Variants in ARHGAP32 observed in about 807,000 individuals in gnomAD.
ARHGAP32 encodes the protein rho GTPase-activating protein 32.
Under a neutral mutation model 186.5 loss-of-function variants are expected in ARHGAP32, and 51 were observed. That is an observed-to-expected ratio of 0.27 (90% confidence interval 0.22 to 0.35). ARHGAP32 has a LOEUF of 0.35. ARHGAP32 is among the 10% of genes least tolerant of loss of function. The probability of loss-of-function intolerance (pLI) is 1.00; values close to 1 mark genes in which losing one functional copy is unlikely to be tolerated. For synonymous variants in ARHGAP32, 950 were observed against 964.3 expected, an observed-to-expected ratio of 0.99 and a Z score of 0.27; for missense variants, 2,186 against 2,623.5, an observed-to-expected ratio of 0.83 and a Z score of 3.64.
chr11:129,153,052 A>T (rs990342744), intron 2 of ARHGAP32, among the ~76,000 whole-genome samples: 1 of 152,172 alleles, frequency 6.6e-6, no homozygotes, highest in African/African-American at 2.4e-5. Flanking sequence ...CAGAAAACAA[A>T]ATTAATATAC....
intron 2 of ARHGAP32, among the ~76,000 whole-genome samples, chr11:129,150,976 T>C (rs1214152533): frequency 6.6e-6 from 1 of 151,568 alleles, no homozygotes; most frequent in Admixed American, 6.6e-5. Flanking sequence ...TTTGCTGTCT[T>C]CAAGAGACTC....
At chr11:129,092,161 T>A (rs1941595031) in intron 6 of ARHGAP32, among the ~76,000 whole-genome samples, 2 of 151,962 alleles carry the variant, frequency 1.3e-5, no homozygotes, top group Non-Finnish European at 2.9e-5. Context: ...AAGTAACAAT[T>A]ATACGTTATA....
chr11:128,971,514 A>T (rs1325750708), intron 22 of ARHGAP32: 2 of 202,388 alleles, frequency 9.9e-6, no homozygotes, highest in African/African-American at 4.6e-5. Context: ...AGTCTAGCTC[A>T]GTCTCAACAC....
chr11:129,029,319 T>A (rs1003596713), intron 11 of ARHGAP32, among the ~76,000 whole-genome samples: 2 of 152,180 alleles, frequency 1.3e-5, no homozygotes, highest in African/African-American at 4.8e-5. Context: ...TGGGCAGAAT[T>A]CTGGGTTTTG....
intron 1 of ARHGAP32, among the ~76,000 whole-genome samples, chr11:129,240,980 G>A (rs1161490629): frequency 6.6e-6 from 1 of 152,200 alleles, no homozygotes; most frequent in African/African-American, 2.4e-5. Flanking sequence ...TAAGAATATG[G>A]ACTTAGGAAT....
chr11:129,124,711 G>T, intron 3 of ARHGAP32, 92 bp downstream of exon 3: 1 of 980,526 alleles, frequency 1.0e-6, no homozygotes. Flanking sequence ...GCATATTTTT[G>T]TAAAAAGTCT....
intron 1 of ARHGAP32, among the ~76,000 whole-genome samples, chr11:129,165,825 G>A (rs1194243155): frequency 6.6e-6 from 1 of 151,798 alleles, no homozygotes; most frequent in Non-Finnish European, 1.5e-5. Flanking sequence ...AGGTCTCAGG[G>A]CAACCAACTA....
At chr11:129,031,144 G>C (rs969372710) in intron 11 of ARHGAP32, among the ~76,000 whole-genome samples, 5 of 152,208 alleles carry the variant, frequency 3.3e-5, no homozygotes, top group Admixed American at 2.0e-4. Flanking sequence ...TAACACAACT[G>C]TGATATCTTG....
In ARHGAP32 at chr11:129,077,851, G is replaced by A. The variant is rs370781368; in HGVS notation, c.532-10983C>T. Among the ~76,000 whole-genome samples, 47 of 152,172 alleles carry A rather than the reference G, an allele frequency of 3.1e-4. 1 individual carries two copies. Among genetic ancestry groups the A allele is most frequent in the Middle Eastern group, 3.4e-3 (1 of 294 alleles). ...AGCTGATGCTCTTCAAAGCGCCACC[G>A]CCTGGCTGGAAGCAAACCAACTCAC... On this transcript the variant is annotated intron_variant, in intron 6 of 22. Transcript: ENST00000682385.
intron 2 of ARHGAP32, among the ~76,000 whole-genome samples, chr11:129,138,296 T>TA (rs9331713): frequency 0.067 from 3,480 of 51,622 alleles, 124 homozygotes; most frequent in Admixed American, 0.19. Flanking sequence ...CCCTTACTGG[T>TA]AAAAAAAAAA....
Position 129,035,556 on chromosome 11 carries a change from T to C in ARHGAP32, c.1045+5372A>G, listed in dbSNP as rs149205873. Among the ~76,000 whole-genome samples, 143 of 152,292 alleles carry C rather than the reference T, an allele frequency of 9.4e-4. 1 individual carries two copies. Among genetic ancestry groups the C allele is most frequent in the African/African-American group, 3.3e-3 (138 of 41,568 alleles). On this transcript the variant is annotated intron_variant, in intron 11 of 22. Coordinates refer to ENST00000682385, the MANE Select transcript of ARHGAP32 (RefSeq NM_001378024.1). The stretch of plus-strand genomic sequence containing the variant: ...CATCCTTTTCAAAATGTATTAAGAA[T>C]GTACATTTTGGCTGGGTACAGTGGC...
intron 1 of ARHGAP32, among the ~76,000 whole-genome samples, chr11:129,260,529 G>GA (rs1272270020): frequency 2.0e-5 from 3 of 151,876 alleles, no homozygotes; most frequent in African/African-American, 7.3e-5. Flanking sequence ...TTTTCAAATA[G>GA]AAAAAAGTCT....
chr11:129,152,534 A>G (rs1435749629), intron 2 of ARHGAP32, among the ~76,000 whole-genome samples: 1 of 152,230 alleles, frequency 6.6e-6, no homozygotes, highest in African/African-American at 2.4e-5. Context: ...AATATGATAC[A>G]GCATGACCAA....
At chr11:129,176,851 A>G (rs563796690) in intron 1 of ARHGAP32, among the ~76,000 whole-genome samples, 1 of 152,330 alleles carries the variant, frequency 6.6e-6, no homozygotes, top group South Asian at 2.1e-4. Flanking sequence ...TCCAACATCG[A>G]CACCCTAACA....
At chr11:129,093,736 G>T in intron 5 of ARHGAP32, 29 bp from the exon 6 acceptor site, 3 of 1,473,958 alleles carry the variant, frequency 2.0e-6, no homozygotes, top group Non-Finnish European at 2.8e-6. Context: ...AGAAGAGGGG[G>T]AAAGAAAGTC....
chr11:129,255,051 C>A (rs1056641960), intron 1 of ARHGAP32, among the ~76,000 whole-genome samples: 2 of 152,058 alleles, frequency 1.3e-5, no homozygotes, highest in Non-Finnish European at 1.5e-5. Flanking sequence ...ATTAACTCCA[C>A]CTAACCAGTT....
chr11:128,998,926 T>G (rs1345295775), intron 11 of ARHGAP32, among the ~76,000 whole-genome samples: 1 of 152,208 alleles, frequency 6.6e-6, no homozygotes, highest in Non-Finnish European at 1.5e-5. Context: ...AAACTGAGGA[T>G]GTATGTCACC....
intron 5 of ARHGAP32, among the ~76,000 whole-genome samples, chr11:129,095,850 C>G (rs512804): frequency 6.6e-6 from 1 of 152,066 alleles, no homozygotes. Flanking sequence ...TTCAGAAGAT[C>G]TGGGCTTCAT....
intron 11 of ARHGAP32, among the ~76,000 whole-genome samples, chr11:129,026,225 T>C (rs975995507): frequency 1.3e-4 from 20 of 152,142 alleles, no homozygotes; most frequent in African/African-American, 4.8e-4. Flanking sequence ...AGAAATTGAG[T>C]GATGAATCCA....
Sources: allele counts gnomAD v4.1 joint callset (sites outside exome capture counted in the v4.1 genomes callset), GRCh38; gene constraint gnomAD v4.1.1; transcripts MANE v1.5; gene names NCBI Gene and HGNC (gene_info 2026-07-23, HGNC 2026-07-21).